RANBP2: variants seen among roughly 807,000 people sequenced by gnomAD.
RANBP2 encodes the protein E3 SUMO-protein ligase RanBP2.
Under a neutral mutation model 303.6 loss-of-function variants are expected in RANBP2, and 57 were observed. The observed-to-expected ratio is 0.19, with a 90% confidence interval of 0.15 to 0.23. RANBP2 has a LOEUF of 0.23. Ranked by LOEUF, RANBP2 falls within the 10% of genes least tolerant of loss-of-function variation. The pLI is 1.00. For missense variants in RANBP2, 3,138 were observed against 3,780.8 expected, an observed-to-expected ratio of 0.83 and a Z score of 4.46; for synonymous variants, 1,167 against 1,301.5, an observed-to-expected ratio of 0.90 and a Z score of 2.23.
chr2:109,075,025 CAAAAA>C, the RANBP2 span, among the ~76,000 whole-genome samples: 9 of 44,634 alleles, frequency 2.0e-4, no homozygotes, highest in African/African-American at 7.1e-4. Flanking sequence ...GTCTCCATCT[CAAAAA>C]AAAAAAAAAA....
chr2:109,464,760 C>G, the RANBP2 span, among the ~76,000 whole-genome samples: 1 of 152,214 alleles, frequency 6.6e-6, no homozygotes, highest in Non-Finnish European at 1.5e-5. Flanking sequence ...CTTCTACTAT[C>G]AATGGCCTAC....
chr2:109,531,487 A>C, the RANBP2 span, among the ~76,000 whole-genome samples: 29 of 152,018 alleles, frequency 1.9e-4, no homozygotes, highest in African/African-American at 2.4e-5. Flanking sequence ...CCAATCCTCC[A>C]CCCTGAACTC....
chr2:109,130,198 C>A, the RANBP2 span: 761 of 1,184,738 alleles, frequency 6.4e-4, 2 homozygotes, highest in Admixed American at 7.7e-4. Context: ...TGATGAGGTG[C>A]GGAGGAGACC....
At chr2:109,564,223 C>T in the RANBP2 span, 9 of 706,526 alleles carry the variant, frequency 1.3e-5, no homozygotes, top group Non-Finnish European at 1.8e-5. Flanking sequence ...TCAAGAAGCA[C>T]AATAATTAGT....
At chr2:109,165,387 G>A in the RANBP2 span, among the ~76,000 whole-genome samples, 1 of 152,178 alleles carries the variant, frequency 6.6e-6, no homozygotes, top group Non-Finnish European at 1.5e-5. Context: ...TGACAGGGTG[G>A]TTGGAGAAAT....
Position 108,773,889 on chromosome 2 carries a change from C to T in RANBP2, c.8292+843C>T, listed in dbSNP as rs1183570287. ...GTCTCAATCTCTTGACCTCGTGATC[C>T]ACCCACCTTGGCCTCCCAAAGTGCT... On this transcript the variant is annotated intron_variant, in intron 23 of 28. Transcript: ENST00000283195. 3.3e-5 allele frequency among the ~76,000 whole-genome samples: 5 copies of T among 152,276 alleles called. No individual in the cohort carries two copies. In the East Asian group the frequency reaches 7.7e-4, roughly 24 times the overall value.
the RANBP2 span, among the ~76,000 whole-genome samples, chr2:108,978,502 C>T: frequency 5.9e-5 from 9 of 152,248 alleles, no homozygotes; most frequent in Admixed American, 3.9e-4. Context: ...GGTAGAGCTC[C>T]GAGGGAGCCA....
chr2:108,788,892 G>T, downstream of RANBP2: 2 of 1,613,962 alleles, frequency 1.2e-6, no homozygotes, highest in Non-Finnish European at 1.7e-6. Context: ...TTGGTTCATC[G>T]TTAAAATATT....
chr2:108,923,563 G>T, the RANBP2 span: 3 of 949,734 alleles, frequency 3.2e-6, no homozygotes, highest in East Asian at 7.3e-5. Context: ...ATCAAGTCGG[G>T]CATGAGGCCA....
chr2:108,990,453 AAAAAAT>A, the RANBP2 span, among the ~76,000 whole-genome samples: 1 of 151,090 alleles, frequency 6.6e-6, no homozygotes, highest in African/African-American at 2.4e-5. Flanking sequence ...AAAAAAAAAA[AAAAAAT>A]ATACAAAAAT....
At chr2:108,914,324 G>A in the RANBP2 span, among the ~76,000 whole-genome samples, 2 of 151,540 alleles carry the variant, frequency 1.3e-5, no homozygotes, top group Non-Finnish European at 3.0e-5. Flanking sequence ...CACAAGAAAG[G>A]AGGAAAAGAA....
the RANBP2 span, among the ~76,000 whole-genome samples, chr2:109,669,436 C>T: frequency 6.6e-6 from 1 of 152,142 alleles, no homozygotes; most frequent in Non-Finnish European, 1.5e-5. Context: ...TGAAGGGATT[C>T]ATAACCAGAA....
At chr2:109,255,234 T>G in the RANBP2 span, among the ~76,000 whole-genome samples, 83 of 152,346 alleles carry the variant, frequency 5.4e-4, no homozygotes, top group African/African-American at 1.9e-3. Context: ...TTCGGAATAG[T>G]GCATCTAGGT....
the RANBP2 span, among the ~76,000 whole-genome samples, chr2:108,973,762 C>T: frequency 0.019 from 2,953 of 152,334 alleles, 59 homozygotes; most frequent in Admixed American, 0.03. Context: ...AGCTTGGCTT[C>T]CATCTCACAA....
chr2:109,656,163 A>G, the RANBP2 span, among the ~76,000 whole-genome samples: 1 of 152,176 alleles, frequency 6.6e-6, no homozygotes, highest in African/African-American at 2.4e-5. Flanking sequence ...CTGCACCATG[A>G]GCCACAGCAG....
At chr2:109,630,596 C>T in the RANBP2 span, among the ~76,000 whole-genome samples, 1 of 152,214 alleles carries the variant, frequency 6.6e-6, no homozygotes, top group East Asian at 1.9e-4. Flanking sequence ...TGTAGCGCGG[C>T]ATGCCTCCTT....
chr2:109,420,957 T>G, the RANBP2 span, among the ~76,000 whole-genome samples: 1 of 152,174 alleles, frequency 6.6e-6, no homozygotes, highest in Non-Finnish European at 1.5e-5. Flanking sequence ...GTACCTATTT[T>G]TTACCTAGCT....
chr2:109,583,090 A>G, the RANBP2 span, among the ~76,000 whole-genome samples: 1 of 152,336 alleles, frequency 6.6e-6, no homozygotes, highest in South Asian at 2.1e-4. Context: ...GAAAACCTAG[A>G]AAGCACCATG....
chr2:109,461,405 A>G, the RANBP2 span, among the ~76,000 whole-genome samples: 2,540 of 96,840 alleles, frequency 0.026, no homozygotes, highest in Middle Eastern at 0.069. Flanking sequence ...CCACCTGCCA[A>G]AGGCCCCACG....
Sources: gnomAD v4.1 joint callset for allele counts (sites outside exome capture counted in the v4.1 genomes callset) on GRCh38, gnomAD v4.1.1 for gene constraint, MANE v1.5 for transcripts, NCBI Gene and HGNC (gene_info 2026-07-23, HGNC 2026-07-21) for gene names.